Variants in FN3K observed in about 807,000 individuals in gnomAD.
The protein encoded by FN3K is fructosamine 3 kinase.
In FN3K, 24 loss-of-function variants were observed where a neutral mutation model predicts 24.8. The ratio of observed to expected loss-of-function variants is 0.97; its 90% CI spans 0.70 to 1.36. The LOEUF (loss-of-function observed/expected upper bound fraction) is 1.36, where lower values mean the gene tolerates loss of function less well. Ranked by LOEUF, FN3K falls within the 40% of genes most tolerant of loss-of-function variation. The pLI, the probability that FN3K is intolerant of heterozygous loss-of-function variation, is 0.00. For synonymous variants in FN3K, 192 were observed against 175.2 expected (o/e 1.10, Z -0.76); for missense variants, 449 against 416.7 (o/e 1.08, Z -0.67).
rs141807926 is a variant in FN3K at position 82,741,626 on chromosome 17, C to T, written c.468+233C>T. 4.1e-3 allele frequency: 2,022 copies of T among 489,714 alleles called. 32 individuals are homozygous for T. The highest frequency in any genetic ancestry group is 0.012 in the East Asian group (303 of 25,668). The allele number at this position is 489,714 out of a possible 1,614,324, so 30.3% of individuals were successfully genotyped here. Reference sequence around the variant, plus strand: ...AGGCAGATCAGCATTCCAAGCAGAGCGAGCCTCAAGTGCAAAGGTTGTGTT... The same window carrying T: ...AGGCAGATCAGCATTCCAAGCAGAGTGAGCCTCAAGTGCAAAGGTTGTGTT... On this transcript the variant is annotated intron_variant, in intron 4 of 5. Coordinates refer to ENST00000300784, the MANE Select transcript of FN3K (RefSeq NM_022158.4).
chr17:82,747,473 T>C (rs1380773245), intron 4 of FN3K, among the ~76,000 whole-genome samples: 1 of 152,218 alleles, frequency 6.6e-6, no homozygotes, highest in Non-Finnish European at 1.5e-5. Flanking sequence ...CAATCTCAGC[T>C]CACTGCAACC....
intron 4 of FN3K, among the ~76,000 whole-genome samples, chr17:82,742,250 A>G (rs1324569587): frequency 6.6e-6 from 1 of 152,098 alleles, no homozygotes; most frequent in Admixed American, 6.5e-5. Context: ...CACGTTGGTC[A>G]GGCTGGTCTT....
intron 1 of FN3K, chr17:82,735,988 G>A (rs933518652): frequency 1.8e-5 from 11 of 614,802 alleles, no homozygotes; most frequent in African/African-American, 1.2e-4. Context: ...GCCTCCATGC[G>A]CAGCGCACAG....
chr17:82,747,098 C>T (rs773369845), intron 4 of FN3K, among the ~76,000 whole-genome samples: 16 of 151,740 alleles, frequency 1.1e-4, no homozygotes, highest in Non-Finnish European at 2.2e-4. Flanking sequence ...GCTGGGATTA[C>T]AGGTGTGAGC....
Position 82,748,759 on chromosome 17 carries a change from C to T in FN3K, c.469-96C>T, listed in dbSNP as rs115919848. 5 of 1,579,934 alleles carry T rather than the reference C, an allele frequency of 3.2e-6. No homozygotes were observed. In the South Asian group the frequency reaches 5.5e-5, roughly 18 times the overall value. On this transcript the variant is annotated intron_variant, in intron 4 of 5. Coordinates refer to ENST00000300784, the MANE Select transcript of FN3K (RefSeq NM_022158.4). The stretch of plus-strand genomic sequence containing the variant: ...CTGTCTTACCTCCTTTGTTGGCTTA[C>T]TAGGTATCTTTGCTGGGTTTTGAAT...
In FN3K at chr17:82,750,775, C is replaced by T. The variant is rs752402891; in HGVS notation, c.*20C>T. 3 of 1,597,626 alleles carry T rather than the reference C, an allele frequency of 1.9e-6. No individual in the cohort carries two copies. The highest frequency in any genetic ancestry group is 1.3e-5 in the African/African-American group (1 of 74,280). Reference sequence around the variant, plus strand: ...AAGTAGCGGCCCCTGCCCTCCCTTCCCCTGTCCCCGTCCCCGTCTCCGTCT... The same window carrying T: ...AAGTAGCGGCCCCTGCCCTCCCTTCTCCTGTCCCCGTCCCCGTCTCCGTCT... On this transcript the variant is annotated 3_prime_UTR_variant, in exon 6 of 6. Transcript: ENST00000300784.
chr17:82,744,831 T>G (rs565574492), intron 4 of FN3K, among the ~76,000 whole-genome samples: 1 of 152,322 alleles, frequency 6.6e-6, no homozygotes, highest in South Asian at 2.1e-4. Flanking sequence ...AAGAATCAAG[T>G]GCTGTGCTTT....
intron 1 of FN3K, 64 bp from the exon 2 acceptor site, chr17:82,738,425 G>C: frequency 6.2e-7 from 1 of 1,605,698 alleles, no homozygotes; most frequent in Non-Finnish European, 8.5e-7. Flanking sequence ...CTTCTGTCAA[G>C]GGCCCAGTGG....
chr17:82,741,086 G>A, intron 3 of FN3K: 1 of 661,826 alleles, frequency 1.5e-6, no homozygotes, highest in Non-Finnish European at 2.7e-6. Context: ...TGGTGTGCTT[G>A]AGGTAATAAT....
At chr17:82,737,007 C>T (rs915360451) in intron 1 of FN3K, among the ~76,000 whole-genome samples, 6 of 152,148 alleles carry the variant, frequency 3.9e-5, no homozygotes, top group Non-Finnish European at 8.8e-5. Flanking sequence ...TGGGGCTTAG[C>T]AGCCCCAAGG....
At chr17:82,740,520 A>C (rs1217430259) in intron 2 of FN3K, among the ~76,000 whole-genome samples, 1 of 151,872 alleles carries the variant, frequency 6.6e-6, no homozygotes, top group Non-Finnish European at 1.5e-5. Context: ...TGAGCCCTAG[A>C]AGTCAAAGCT....
At chr17:82,738,317 G>GA (rs2046917356) in intron 1 of FN3K, 172 bp from the exon 2 acceptor site, 1 of 668,502 alleles carries the variant, frequency 1.5e-6, no homozygotes, top group Non-Finnish European at 2.2e-6. Flanking sequence ...CGTCTCCGAC[G>GA]GGGGGCCCCT....
chr17:82,740,004 A>G (rs923089127), intron 2 of FN3K, among the ~76,000 whole-genome samples: 26 of 152,064 alleles, frequency 1.7e-4, no homozygotes, highest in African/African-American at 6.3e-4. Flanking sequence ...CTTGGGCTCA[A>G]ATGATTCTTC....
intron 4 of FN3K, among the ~76,000 whole-genome samples, chr17:82,748,285 C>G (rs895723605): frequency 6.6e-6 from 1 of 151,920 alleles, no homozygotes; most frequent in African/African-American, 2.4e-5. Flanking sequence ...GTAGCTGGGA[C>G]TACAGGCCCA....
At chr17:82,742,839 C>T (rs537650759) in intron 4 of FN3K, 10 of 411,374 alleles carry the variant, frequency 2.4e-5, no homozygotes, top group East Asian at 7.4e-5. Flanking sequence ...GTCTCCTTGT[C>T]GACGCCCGTC....
In FN3K at chr17:82,738,433, T is replaced by G. The variant is rs749764297; in HGVS notation, c.142-56T>G. On this transcript the variant is annotated intron_variant, in intron 1 of 5. Coordinates refer to ENST00000300784, the MANE Select transcript of FN3K (RefSeq NM_022158.4). ...GTGGTAGCTTCTGTCAAGGGCCCAG[T>G]GGGCAGAGGCCCTGGCTGAGTCAAC... is the stretch of plus-strand genomic sequence containing the variant. The G allele has an allele frequency of 5.0e-6, 8 of 1,609,610 alleles. No homozygotes were observed. In the South Asian group the frequency reaches 8.8e-5, roughly 18 times the overall value.
At chr17:82,747,943 C>T (rs1484521590) in intron 4 of FN3K, among the ~76,000 whole-genome samples, 1 of 152,132 alleles carries the variant, frequency 6.6e-6, no homozygotes, top group East Asian at 1.9e-4. Flanking sequence ...GGGGTGGGCA[C>T]CATTGAGTCA....
chr17:82,738,925 C>CGTATATATATAT (rs1261335715), intron 2 of FN3K, among the ~76,000 whole-genome samples: 2 of 104,090 alleles, frequency 1.9e-5, no homozygotes, highest in African/African-American at 4.1e-5. Context: ...TATATATACA[C>CGTATATATATAT]ATATATATAT....
intron 4 of FN3K, 88 bp from the exon 5 acceptor site, chr17:82,748,767 C>G (rs2046982961): frequency 2.5e-6 from 4 of 1,599,356 alleles, no homozygotes; most frequent in Admixed American, 1.7e-5. Context: ...TACTAGGTAT[C>G]TTTGCTGGGT....
Sources: gnomAD v4.1 joint callset for allele counts (sites outside exome capture counted in the v4.1 genomes callset) on GRCh38, gnomAD v4.1.1 for gene constraint, MANE v1.5 for transcripts, NCBI Gene and HGNC (gene_info 2026-07-23, HGNC 2026-07-21) for gene names.